PKIB: variants seen among roughly 807,000 people sequenced by gnomAD.
PKIB encodes the protein cAMP-dependent protein kinase inhibitor beta.
In PKIB, 2 loss-of-function variants were observed where a neutral mutation model predicts 4.5. That is an observed-to-expected ratio of 0.44 (90% CI 0.18 to 1.39). The LOEUF is 1.39. Ranked by LOEUF, PKIB falls within the 40% of genes most tolerant of loss-of-function variation. PKIB has a pLI of 0.27. For missense variants in PKIB, 94 were observed against 92.6 expected, an observed-to-expected ratio of 1.02 and a Z score of -0.06; for synonymous variants, 38 against 36.0, an observed-to-expected ratio of 1.06 and a Z score of -0.20.
At chr6:122,528,022 G>A (rs1484269780) in intron 2 of PKIB, among the ~76,000 whole-genome samples, 1 of 152,072 alleles carries the variant, frequency 6.6e-6, no homozygotes, top group Non-Finnish European at 1.5e-5. Context: ...TTGTGTCAAA[G>A]TTTGCTTCGT....
intron 3 of PKIB, among the ~76,000 whole-genome samples, chr6:122,690,464 C>T (rs769852597): frequency 2.0e-5 from 3 of 152,026 alleles, no homozygotes; most frequent in African/African-American, 4.8e-5. Context: ...TCTCATAACC[C>T]GTTATGTTAA....
At chr6:122,689,119 C>CT (rs1315390542) in intron 3 of PKIB, among the ~76,000 whole-genome samples, 1 of 152,040 alleles carries the variant, frequency 6.6e-6, no homozygotes, top group African/African-American at 2.4e-5. Context: ...GTAACATCTC[C>CT]TTTTTCATCT....
chr6:122,697,358 A>G (rs1312079590), intron 3 of PKIB, among the ~76,000 whole-genome samples: 3 of 151,998 alleles, frequency 2.0e-5, no homozygotes, highest in African/African-American at 4.8e-5. Context: ...TTATGCTACA[A>G]TTGATCACTT....
chr6:122,547,783 T>C (rs1772548116), intron 2 of PKIB, among the ~76,000 whole-genome samples: 2 of 152,176 alleles, frequency 1.3e-5, no homozygotes, highest in South Asian at 2.1e-4. Context: ...AGGACAGTTA[T>C]ACCTTTTACA....
At chr6:122,630,118 TA>T (rs987359445) in intron 1 of PKIB, among the ~76,000 whole-genome samples, 2 of 152,008 alleles carry the variant, frequency 1.3e-5, no homozygotes, top group Admixed American at 6.6e-5. Flanking sequence ...AAAACTATTG[TA>T]AAAAAATATG....
chr6:122,587,272 C>T (rs542555982), intron 3 of PKIB, among the ~76,000 whole-genome samples: 122 of 152,082 alleles, frequency 8.0e-4, no homozygotes, highest in Middle Eastern at 3.4e-3. Context: ...TGAGAACATG[C>T]GGTGTTTGGT....
At chr6:122,703,941 T>TAGAGAG (rs71021419) in intron 3 of PKIB, among the ~76,000 whole-genome samples, 35 of 90,774 alleles carry the variant, frequency 3.9e-4, no homozygotes, top group Admixed American at 1.1e-3. Context: ...TATATATATA[T>TAGAGAG]AGAGAGAGAG....
At chr6:122,549,662 T>G (rs1202867351) in intron 2 of PKIB, among the ~76,000 whole-genome samples, 1 of 152,030 alleles carries the variant, frequency 6.6e-6, no homozygotes, top group Admixed American at 6.6e-5. Flanking sequence ...TTTGAAAAAG[T>G]AATATTTGCA....
chr6:122,580,560 C>G (rs749608676), intron 2 of PKIB, among the ~76,000 whole-genome samples: 14 of 152,136 alleles, frequency 9.2e-5, no homozygotes, highest in Non-Finnish European at 1.9e-4. Flanking sequence ...TGTTTGCCTA[C>G]ATAGGGTTTG....
intron 2 of PKIB, among the ~76,000 whole-genome samples, chr6:122,503,227 A>G (rs567233618): frequency 6.6e-6 from 1 of 152,298 alleles, no homozygotes; most frequent in African/African-American, 2.4e-5. Context: ...TTTGCAGGGG[A>G]CATGAACATT....
chr6:122,708,562 G>T (rs1010138730), intron 3 of PKIB, among the ~76,000 whole-genome samples: 4 of 152,140 alleles, frequency 2.6e-5, no homozygotes, highest in African/African-American at 9.7e-5. Flanking sequence ...TTGAGGGTGT[G>T]CTGGGAAGCA....
chr6:122,696,130 A>G (rs537063996), intron 3 of PKIB, among the ~76,000 whole-genome samples: 1 of 152,216 alleles, frequency 6.6e-6, no homozygotes, highest in Non-Finnish European at 1.5e-5. Context: ...TCTGTTTTTT[A>G]AAATCTAAAC....
intron 3 of PKIB, among the ~76,000 whole-genome samples, chr6:122,605,181 T>C (rs1230458798): frequency 6.6e-6 from 1 of 152,182 alleles, no homozygotes; most frequent in Non-Finnish European, 1.5e-5. Flanking sequence ...GCTCCTGTAA[T>C]CTGTTCCAAA....
chr6:122,670,983 C>G (rs1181034593), intron 2 of PKIB, among the ~76,000 whole-genome samples: 2 of 152,136 alleles, frequency 1.3e-5, no homozygotes, highest in Non-Finnish European at 2.9e-5. Flanking sequence ...AAAAACAAAA[C>G]AAAAATTTAA....
intron 2 of PKIB, among the ~76,000 whole-genome samples, chr6:122,522,421 C>A (rs996188386): frequency 1.3e-5 from 2 of 152,106 alleles, no homozygotes; most frequent in African/African-American, 4.8e-5. Context: ...CCAGGCACCA[C>A]TGGGGTACAA....
At position 122,725,192 on chromosome 6, in the gene PKIB, A is replaced by G; in HGVS notation, c.234A>G (p.Lys78=). 1 of 1,610,080 alleles carries G rather than the reference A, an allele frequency of 6.2e-7. No individual in the cohort carries two copies. Among genetic ancestry groups the G allele is most frequent in the South Asian group, 1.1e-5 (1 of 90,626 alleles). ...DQLEKPQNEE[K] is the part of the protein sequence containing the mutation. ...TGGAAAAGCCTCAAAATGAAGAAAAATGAAGGCTCATAATCTATCAAGAGT... is the reference window on the plus strand; with the variant it reads ...TGGAAAAGCCTCAAAATGAAGAAAAGTGAAGGCTCATAATCTATCAAGAGT... The change falls in exon 5 of 5, where the codon AAA becomes AAG. Residue 78 remains lysine (K), a synonymous_variant. Transcript: ENST00000368452.
intron 2 of PKIB, among the ~76,000 whole-genome samples, chr6:122,642,673 T>C (rs1776166672): frequency 6.6e-6 from 1 of 152,198 alleles, no homozygotes; most frequent in South Asian, 2.1e-4. Flanking sequence ...GTCAGCTTAG[T>C]TTTGTCCTAC....
intron 3 of PKIB, among the ~76,000 whole-genome samples, chr6:122,716,814 A>G (rs4538744): frequency 0.99 from 150,059 of 152,232 alleles, 73,991 homozygotes; most frequent in Middle Eastern, 1. Context: ...TCCTTCGGTC[A>G]ATACTTAGTG....
At chr6:122,526,403 A>G (rs939532485) in intron 2 of PKIB, among the ~76,000 whole-genome samples, 6 of 152,124 alleles carry the variant, frequency 3.9e-5, no homozygotes, top group Non-Finnish European at 8.8e-5. Context: ...TATGGCAGCT[A>G]TAGCCTTATA....
Sources: gnomAD v4.1 joint callset for allele counts (sites outside exome capture counted in the v4.1 genomes callset) on GRCh38, gnomAD v4.1.1 for gene constraint, MANE v1.5 for transcripts, NCBI Gene and HGNC (gene_info 2026-07-23, HGNC 2026-07-21) for gene names.